ATP1A4: variants seen among roughly 807,000 people sequenced by gnomAD.
ATP1A4 encodes ATPase Na+/K+ transporting subunit alpha 4.
A neutral mutation model predicts 114.3 loss-of-function variants in ATP1A4; 90 were observed. The observed-to-expected ratio is 0.79, with a 90% CI of 0.66 to 0.94. ATP1A4 has a LOEUF of 0.94. ATP1A4 is among the 40% of genes least tolerant of loss of function. The pLI, the probability that ATP1A4 is intolerant of heterozygous loss-of-function variation, is 0.00. For synonymous variants in ATP1A4, 511 were observed against 494.1 expected (o/e 1.03, Z -0.45); for missense variants, 1,222 against 1,313.6 (o/e 0.93, Z 1.08).
chr1:160,158,427 A>T (rs952154374), intron 4 of ATP1A4, among the ~76,000 whole-genome samples: 1 of 152,048 alleles, frequency 6.6e-6, no homozygotes, highest in Admixed American at 6.5e-5. Flanking sequence ...CTCAGACTGA[A>T]GCGTAGTGAT....
rs530315230 is a variant in ATP1A4 at position 160,156,272 on chromosome 1, G to C, written c.525+114G>C. 4.1e-5 allele frequency: 30 copies of C among 728,170 alleles called. No individual in the cohort carries two copies. In the East Asian group the frequency reaches 7.8e-4, roughly 19 times the overall value. The allele number at this position is 728,170 out of a possible 1,614,324, so 45.1% of individuals were successfully genotyped here. A position where few individuals can be genotyped will look rare whatever the true frequency, so the allele number is the denominator to read the frequency against. Reference sequence around the variant, plus strand: ...ATGATAAGTGAGCTGAGTGAGGTTGGTGATGAGGGGGTCAAGGTACTGTAT... The same window carrying C: ...ATGATAAGTGAGCTGAGTGAGGTTGCTGATGAGGGGGTCAAGGTACTGTAT... On this transcript the variant is annotated intron_variant, in intron 4 of 21. Transcript: ENST00000368081.
At position 160,155,029 on chromosome 1, in the gene ATP1A4, T is replaced by C; in HGVS notation, c.208-16T>C. ...TTTCACAGCTCTCTATCCAACCCTA[T>C]TTCTTCTCTGCACAGGGCCATAGCC... is the stretch of plus-strand genomic sequence containing the variant. On this transcript the variant is annotated splice_polypyrimidine_tract_variant and intron_variant, in intron 2 of 21. Coordinates refer to ENST00000368081, the MANE Select transcript of ATP1A4 (RefSeq NM_144699.4). 2 of 1,611,872 alleles carry C rather than the reference T, an allele frequency of 1.2e-6. No individual in the cohort carries two copies. The highest frequency in any genetic ancestry group is 2.2e-5 in the East Asian group (1 of 44,880).
At chr1:160,155,769 A>AC (rs1241160937) in intron 3 of ATP1A4, among the ~76,000 whole-genome samples, 1 of 150,774 alleles carries the variant, frequency 6.6e-6, no homozygotes, top group Non-Finnish European at 1.5e-5. Flanking sequence ...CTCACAATCC[A>AC]CCCCCTCCAT....
chr1:160,154,083 T>C lies in ATP1A4; in HGVS notation c.207+859T>C, dbSNP rs567897708. Among the ~76,000 whole-genome samples the C allele has an allele frequency of 8.5e-5, 13 of 152,268 alleles. No homozygotes were observed. In the East Asian group the frequency reaches 2.5e-3, roughly 29 times the overall value. On this transcript the variant is annotated intron_variant, in intron 2 of 21. Coordinates refer to ENST00000368081, the MANE Select transcript of ATP1A4 (RefSeq NM_144699.4). Reference sequence around the variant, plus strand: ...CTTTTCTATTTATGTTTTTTAAAAATTTATGGGCCAGGTGCCGTGGCTCAC... The same window carrying C: ...CTTTTCTATTTATGTTTTTTAAAAACTTATGGGCCAGGTGCCGTGGCTCAC...
rs776169500 is a variant in ATP1A4, at chr1:160,155,168, C to T, written c.331C>T (p.Leu111=). 5 of 1,613,868 alleles carry T rather than the reference C, an allele frequency of 3.1e-6. No individual in the cohort carries two copies. Among genetic ancestry groups the T allele is most frequent in the South Asian group, 2.2e-5 (2 of 91,064 alleles). The change falls in exon 3 of 22, where the codon CTA becomes TTA. Residue 111 remains leucine, a synonymous_variant. Coordinates refer to ENST00000368081, the MANE Select transcript of ATP1A4 (RefSeq NM_144699.4). ...CKQLFGGFSL[L]LWTGAILCFV... is the part of the protein sequence containing the mutation. ...GCAACTGTTCGGAGGCTTCTCCCTCCTACTATGGACTGGGGCCATTCTCTG... is the reference window on the plus strand; with the variant it reads ...GCAACTGTTCGGAGGCTTCTCCCTCTTACTATGGACTGGGGCCATTCTCTG...
At chr1:160,167,168 C>G in intron 9 of ATP1A4, 91 bp downstream of exon 9, 2 of 1,559,976 alleles carry the variant, frequency 1.3e-6, no homozygotes, top group Non-Finnish European at 1.8e-6. Flanking sequence ...CAGTAATTTC[C>G]CCCCAGGTAC....
intron 7 of ATP1A4, among the ~76,000 whole-genome samples, chr1:160,165,535 G>A (rs868300089): frequency 2.1e-4 from 32 of 151,312 alleles, no homozygotes; most frequent in South Asian, 8.4e-4. Flanking sequence ...CAAGGTGGGC[G>A]GATCACGAGG....
intron 4 of ATP1A4, 125 bp downstream of exon 4, chr1:160,156,283 GT>G (rs1652661786): frequency 4.4e-6 from 3 of 678,922 alleles, no homozygotes; most frequent in Non-Finnish European, 7.9e-6. Flanking sequence ...TGATGAGGGG[GT>G]CAAGGTACTG....
At chr1:160,177,807 C>T in intron 18 of ATP1A4, 143 bp downstream of exon 18, 1 of 868,394 alleles carries the variant, frequency 1.2e-6, no homozygotes, top group South Asian at 1.9e-5. Flanking sequence ...CCTGTATGAG[C>T]CTTCTCACAC....
chr1:160,185,301 C>T (rs1571040561), intron 20 of ATP1A4, among the ~76,000 whole-genome samples: 1 of 151,900 alleles, frequency 6.6e-6, no homozygotes, highest in Admixed American at 6.6e-5. Context: ...TTAGTAGAGA[C>T]GGCGTTTCAC....
At chr1:160,159,636 C>T (rs1652800542) in intron 6 of ATP1A4, 110 bp downstream of exon 6, 3 of 917,416 alleles carry the variant, frequency 3.3e-6, no homozygotes, top group South Asian at 3.5e-5. Context: ...AGTAAAAAGT[C>T]GAGCTTCTCC....
At chr1:160,173,371 G>C (rs1381854531) in intron 12 of ATP1A4, among the ~76,000 whole-genome samples, 3 of 152,170 alleles carry the variant, frequency 2.0e-5, no homozygotes, top group Non-Finnish European at 4.4e-5. Context: ...GACCCAAATT[G>C]TCCTGTTTTA....
At chr1:160,156,289 G>A (rs1174957876) in intron 4 of ATP1A4, 131 bp downstream of exon 4, 7 of 652,890 alleles carry the variant, frequency 1.1e-5, no homozygotes, top group Non-Finnish European at 1.6e-5. Context: ...GGGGGTCAAG[G>A]TACTGTATCA....
At chr1:160,156,764 C>A (rs1652683814) in intron 4 of ATP1A4, among the ~76,000 whole-genome samples, 1 of 152,114 alleles carries the variant, frequency 6.6e-6, no homozygotes. Context: ...TGTGACCAAC[C>A]TGGGCAAGAC....
intron 12 of ATP1A4, 109 bp from the exon 13 acceptor site, chr1:160,173,471 TA>T: frequency 2.0e-6 from 3 of 1,470,304 alleles, no homozygotes; most frequent in Non-Finnish European, 2.8e-6. Flanking sequence ...AATGAGCGAC[TA>T]AAACCCTTGT....
At chr1:160,153,510 G>A (rs901853849) in intron 2 of ATP1A4, among the ~76,000 whole-genome samples, 3 of 152,148 alleles carry the variant, frequency 2.0e-5, no homozygotes, top group Non-Finnish European at 4.4e-5. Flanking sequence ...ATTTATCTAG[G>A]ACCGCAAAGA....
intron 20 of ATP1A4, among the ~76,000 whole-genome samples, chr1:160,185,641 C>T (rs978865199): frequency 6.6e-6 from 1 of 151,778 alleles, no homozygotes; most frequent in South Asian, 2.1e-4. Context: ...CAAAATTTGG[C>T]CAGGCATGGT....
At position 160,186,870 on chromosome 1, in the gene ATP1A4, G is replaced by A. The variant is rs1160352370; in HGVS notation, c.*171G>A. The A allele has an allele frequency of 9.0e-6, 7 of 774,822 alleles. No homozygotes were observed. Among genetic ancestry groups the A allele is most frequent in the Non-Finnish European group, 1.5e-5 (7 of 468,384 alleles). The allele number at this position is 774,822 out of a possible 1,614,324, so 48.0% of individuals were successfully genotyped here. ...GGAATCATGGGCAGAGGATGAGGTG[G>A]GCTGAAGGGAAGCCCAGCCTGCATC... is the stretch of plus-strand genomic sequence containing the variant. On this transcript the variant is annotated 3_prime_UTR_variant, in exon 22 of 22. Coordinates refer to ENST00000368081, the MANE Select transcript of ATP1A4 (RefSeq NM_144699.4).
intron 20 of ATP1A4, among the ~76,000 whole-genome samples, 190 bp from the exon 21 acceptor site, chr1:160,186,086 C>CAA (rs527303426): frequency 9.2e-4 from 30 of 32,720 alleles, no homozygotes; most frequent in South Asian, 2.3e-3. Context: ...GACTCTGTCG[C>CAA]AAAAAAAAAA....
Sources: allele counts gnomAD v4.1 joint callset (sites outside exome capture counted in the v4.1 genomes callset), GRCh38; gene constraint gnomAD v4.1.1; transcripts MANE v1.5; gene names NCBI Gene and HGNC (gene_info 2026-07-23, HGNC 2026-07-21).